The following ATF7IP2 variants were observed in gnomAD, a reference collection of about 807,000 sequenced individuals.
ATF7IP2 encodes activating transcription factor 7-interacting protein 2.
In ATF7IP2, 42 loss-of-function variants were observed where a neutral mutation model predicts 64.2. The observed-to-expected ratio is 0.65, with a 90% confidence interval of 0.51 to 0.85. The LOEUF is 0.85. Ranked by LOEUF, ATF7IP2 falls within the 40% of genes least tolerant of loss-of-function variation. The pLI is 0.00. For synonymous variants in ATF7IP2, 308 were observed against 272.8 expected (o/e 1.13, Z -1.27); for missense variants, 933 against 784.2 (o/e 1.19, Z -2.27).
chr16:10,416,084 C>T (rs533368357), intron 2 of ATF7IP2, among the ~76,000 whole-genome samples: 18 of 152,288 alleles, frequency 1.2e-4, no homozygotes, highest in East Asian at 3.9e-4. Flanking sequence ...TGCAATCCAG[C>T]GATCCAGGTG....
chr16:10,471,937 T>A (rs1344385592), intron 9 of ATF7IP2, 173 bp from the exon 10 acceptor site: 9 of 428,776 alleles, frequency 2.1e-5, no homozygotes, highest in African/African-American at 1.8e-4. Context: ...ACGGAACTGG[T>A]AATAAATGGA....
Position 10,433,610 on chromosome 16 carries a change from T to C in ATF7IP2, c.921T>C (p.Ile307=). 2 of 1,613,780 alleles carry C rather than the reference T, an allele frequency of 1.2e-6. No individual in the cohort carries two copies. Among genetic ancestry groups the C allele is most frequent in the Non-Finnish European group, 1.7e-6 (2 of 1,179,750 alleles). The change falls in exon 6 of 14, where the codon ATT becomes ATC. Residue 307 remains isoleucine, a synonymous_variant. Transcript: ENST00000562102. ...CTTCAGAGCAAATTAATGAAAATAT[T>C]TGTGTAAGTTTGGAAAGGCAAACAG... ...MKTSEQINEN[I]CVSLERQTAF... is the part of the protein sequence containing the mutation.
At chr16:10,396,434 A>T (rs1365359995) in intron 1 of ATF7IP2, among the ~76,000 whole-genome samples, 1 of 152,138 alleles carries the variant, frequency 6.6e-6, no homozygotes. Flanking sequence ...TGTCGGGGTC[A>T]TATCTAAAAA....
At chr16:10,429,726 TTTTA>T (rs150618981) in intron 4 of ATF7IP2, among the ~76,000 whole-genome samples, 23 of 109,326 alleles carry the variant, frequency 2.1e-4, no homozygotes, top group East Asian at 1.0e-3. Flanking sequence ...TTTTATTTTA[TTTTA>T]TTTATTTTAT....
At chr16:10,409,105 T>C (rs1024332851) in intron 1 of ATF7IP2, among the ~76,000 whole-genome samples, 1 of 152,102 alleles carries the variant, frequency 6.6e-6, no homozygotes, top group Non-Finnish European at 1.5e-5. Context: ...TGTGTCAATC[T>C]CCCATGGGCG....
In ATF7IP2 at chr16:10,453,472, C is replaced by T. The variant is rs139223351; in HGVS notation, c.1195-3900C>T. ...GTACCTCAGTTAGAAATGCAGAAAT[C>T]ACCTGCCTTCTGCATCAATCTTACT... On this transcript the variant is annotated intron_variant, in intron 8 of 13. Coordinates refer to ENST00000562102, the MANE Select transcript of ATF7IP2 (RefSeq NM_001393719.1). Among the ~76,000 whole-genome samples the T allele has an allele frequency of 2.4e-3, 364 of 152,296 alleles. 1 individual carries two copies. Among genetic ancestry groups the T allele is most frequent in the African/African-American group, 8.3e-3 (346 of 41,560 alleles).
rs746450238 is a variant in ATF7IP2, at chr16:10,430,965, G to A, written c.345G>A (p.Ser115=). Residue 115 remains serine (S), a synonymous_variant, in exon 5 of 14, where the codon TCG becomes TCA. Coordinates refer to ENST00000562102, the MANE Select transcript of ATF7IP2 (RefSeq NM_001393719.1). ...SETKLEQVVC[S]YQKPSRTTES... is the part of the protein sequence containing the mutation. Reference sequence around the variant, plus strand: ...CAAAATTGGAACAAGTTGTTTGTTCGTACCAAAAGCCAAGTAGAACAACAG... The same window carrying A: ...CAAAATTGGAACAAGTTGTTTGTTCATACCAAAAGCCAAGTAGAACAACAG... 1.5e-5 allele frequency: 25 copies of A among 1,613,958 alleles called. No individual in the cohort carries two copies. Among genetic ancestry groups the A allele is most frequent in the African/African-American group, 1.3e-4 (10 of 74,920 alleles).
intron 8 of ATF7IP2, among the ~76,000 whole-genome samples, chr16:10,455,692 A>T (rs2049140506): frequency 6.6e-6 from 1 of 152,196 alleles, no homozygotes; most frequent in Admixed American, 6.5e-5. Flanking sequence ...GAAATTTGGA[A>T]GTTAAAGACT....
chr16:10,429,556 G>A (rs1299165335), intron 4 of ATF7IP2, among the ~76,000 whole-genome samples: 1 of 151,976 alleles, frequency 6.6e-6, no homozygotes, highest in Non-Finnish European at 1.5e-5. Flanking sequence ...TGCCCTGTTG[G>A]CCAGGCTGGC....
intron 6 of ATF7IP2, among the ~76,000 whole-genome samples, chr16:10,434,300 A>C (rs959752204): frequency 6.6e-6 from 1 of 152,208 alleles, no homozygotes; most frequent in African/African-American, 2.4e-5. Context: ...TAGAATGGTT[A>C]TACTGAGGAC....
At position 10,440,537 on chromosome 16, in the gene ATF7IP2, A is replaced by C; in HGVS notation, c.1194+75A>C. On this transcript the variant is annotated intron_variant, in intron 8 of 13. Coordinates refer to ENST00000562102, the MANE Select transcript of ATF7IP2 (RefSeq NM_001393719.1). ...TGGTTTGATTAGAAGAAATGAATATATTTCCAGGCTAGGACAGAAGGTGTA... is the reference window on the plus strand; with the variant it reads ...TGGTTTGATTAGAAGAAATGAATATCTTTCCAGGCTAGGACAGAAGGTGTA... 3 of 853,900 alleles carry C rather than the reference A, an allele frequency of 3.5e-6. No homozygotes were observed. In the East Asian group the frequency reaches 8.5e-5, roughly 24 times the overall value. 52.9% of individuals were successfully genotyped at this position (853,900 alleles called of 1,614,324 possible). A position where few individuals can be genotyped will look rare whatever the true frequency, so the allele number is the denominator to read the frequency against.
intron 12 of ATF7IP2, among the ~76,000 whole-genome samples, chr16:10,476,355 T>C (rs1046764832): frequency 6.6e-6 from 1 of 152,212 alleles, no homozygotes; most frequent in Admixed American, 6.5e-5. Context: ...ATATATTAGT[T>C]ACATCACAGG....
intron 1 of ATF7IP2, among the ~76,000 whole-genome samples, chr16:10,394,616 G>A (rs2141748219): frequency 6.6e-6 from 1 of 152,214 alleles, no homozygotes; most frequent in South Asian, 2.1e-4. Context: ...AGTCACACTA[G>A]GCCATGAAGC....
chr16:10,402,753 T>C (rs918200656), intron 1 of ATF7IP2, among the ~76,000 whole-genome samples: 3 of 152,112 alleles, frequency 2.0e-5, no homozygotes, highest in Admixed American at 2.0e-4. Flanking sequence ...CATGCGTGAC[T>C]ATGTCTGGCC....
At chr16:10,429,781 A>T in intron 4 of ATF7IP2, among the ~76,000 whole-genome samples, 2 of 130,630 alleles carry the variant, frequency 1.5e-5, no homozygotes, top group African/African-American at 2.8e-5. Context: ...ATTTTAATTT[A>T]ATTTAATTTT....
At chr16:10,396,849 T>C (rs2047430247) in intron 1 of ATF7IP2, among the ~76,000 whole-genome samples, 1 of 151,768 alleles carries the variant, frequency 6.6e-6, no homozygotes, top group Non-Finnish European at 1.5e-5. Context: ...AAGATTTTTG[T>C]AGTGACAAGA....
In ATF7IP2 at chr16:10,478,022, G is replaced by A. The variant is rs1374981070; in HGVS notation, c.1550-2857G>A. 1.3e-5 allele frequency among the ~76,000 whole-genome samples: 2 copies of A among 149,752 alleles called. 1 individual carries two copies. Among genetic ancestry groups the A allele is most frequent in the South Asian group, 4.3e-4 (2 of 4,662 alleles). The stretch of plus-strand genomic sequence containing the variant: ...TAAAAGAGGATACAAACAAATGGAA[G>A]AACATTCCATGCTCATGGGTAGGAA... On this transcript the variant is annotated intron_variant, in intron 12 of 13. Transcript: ENST00000562102.
At chr16:10,473,658 C>G in intron 11 of ATF7IP2, 124 bp downstream of exon 11, 1 of 725,976 alleles carries the variant, frequency 1.4e-6, no homozygotes, top group Non-Finnish European at 2.4e-6. Flanking sequence ...AAGCAGACAG[C>G]TAATGATAAG....
intron 8 of ATF7IP2, among the ~76,000 whole-genome samples, chr16:10,443,292 G>A (rs775383256): frequency 1.2e-4 from 18 of 152,150 alleles, no homozygotes; most frequent in African/African-American, 1.7e-4. Context: ...AATTGGCATC[G>A]TTAGATGGAA....
Sources: gnomAD v4.1 joint callset for allele counts (sites outside exome capture counted in the v4.1 genomes callset) on GRCh38, gnomAD v4.1.1 for gene constraint, MANE v1.5 for transcripts, NCBI Gene and HGNC (gene_info 2026-07-23, HGNC 2026-07-21) for gene names.